The following STIM1 variants were observed in gnomAD, a reference collection of about 807,000 sequenced individuals.
STIM1 encodes stromal interaction molecule 1.
Under a neutral mutation model 74.7 loss-of-function variants are expected in STIM1, and 25 were observed. That is an observed-to-expected ratio of 0.33 (90% CI 0.24 to 0.47). STIM1 has a LOEUF of 0.47. Among genes scored for constraint, STIM1 ranks in the 20% least tolerant of loss-of-function variants. The probability of loss-of-function intolerance (pLI) is 1.00; values close to 1 mark genes in which losing one functional copy is unlikely to be tolerated. For synonymous variants in STIM1, 328 were observed against 348.8 expected (o/e 0.94, Z 0.66); for missense variants, 728 against 920.8 (o/e 0.79, Z 2.71).
intron 1 of STIM1, among the ~76,000 whole-genome samples, chr11:3,956,619 G>A (rs1006299935): frequency 6.6e-6 from 1 of 151,812 alleles, no homozygotes; most frequent in Non-Finnish European, 1.5e-5. Flanking sequence ...AAAGAGTGTA[G>A]TAAGAAGACA....
rs1282462285 is a variant in STIM1 at position 3,974,072 on chromosome 11, C to A, written c.270+6390C>A. The A allele has an allele frequency of 5.7e-6, 4 of 704,492 alleles. No individual in the cohort carries two copies. The East Asian group carries it at 1.1e-4, about 19-fold the overall frequency. 43.6% of individuals were successfully genotyped at this position (704,492 alleles called of 1,614,324 possible). A position where few individuals can be genotyped will look rare whatever the true frequency, so the allele number is the denominator to read the frequency against. ...AGTGGCATATGTGACAAACCCAAAGCCCCTGGAGCACTTGGTATTTGGATC... is the reference window on the plus strand; with the variant it reads ...AGTGGCATATGTGACAAACCCAAAGACCCTGGAGCACTTGGTATTTGGATC... On this transcript the variant is annotated intron_variant, in intron 2 of 12. Coordinates refer to ENST00000526596, the MANE Select transcript of STIM1 (RefSeq NM_001382567.1).
At chr11:3,868,605 T>C (rs2090959940) in intron 1 of STIM1, among the ~76,000 whole-genome samples, 1 of 152,222 alleles carries the variant, frequency 6.6e-6, no homozygotes, top group Non-Finnish European at 1.5e-5. Context: ...GTGGTGTTAG[T>C]TTATTCTATC....
rs535281658 is a variant in STIM1, at chr11:3,978,354, G to A, written c.270+10672G>A. 1.4e-3 allele frequency among the ~76,000 whole-genome samples: 207 copies of A among 150,930 alleles called. 2 individuals carry two copies. The highest frequency in any genetic ancestry group is 2.3e-3 in the Non-Finnish European group (154 of 67,594). On this transcript the variant is annotated intron_variant, in intron 2 of 12. Transcript: ENST00000526596. ...GTAGAGACGGGGTTTCTCCATGTTG[G>A]TCAGGCTGGTTTCAAACTTCTGACC...
intron 7 of STIM1, among the ~76,000 whole-genome samples, chr11:4,080,059 G>GAAATAAATAAAT (rs142489170): frequency 6.6e-6 from 1 of 151,402 alleles, no homozygotes; most frequent in African/African-American, 2.4e-5. Flanking sequence ...TCTCTACCAA[G>GAAATAAATAAAT]AAATAAATAA....
At chr11:4,034,139 G>C (rs1041260099) in intron 3 of STIM1, among the ~76,000 whole-genome samples, 1 of 151,922 alleles carries the variant, frequency 6.6e-6, no homozygotes, top group Non-Finnish European at 1.5e-5. Flanking sequence ...TGAGGCAGGA[G>C]AATCGCTTGA....
At chr11:4,041,799 C>A (rs1190549146) in intron 3 of STIM1, among the ~76,000 whole-genome samples, 2 of 152,098 alleles carry the variant, frequency 1.3e-5, no homozygotes, top group Non-Finnish European at 2.9e-5. Flanking sequence ...GTTGCCCAGG[C>A]TGGTCTTGAA....
chr11:4,052,830 A>C (rs2094254513), intron 3 of STIM1, among the ~76,000 whole-genome samples: 1 of 152,236 alleles, frequency 6.6e-6, no homozygotes, highest in East Asian at 1.9e-4. Context: ...AAGTTTTGCA[A>C]TATACTCATC....
intron 3 of STIM1, among the ~76,000 whole-genome samples, chr11:4,030,110 C>T (rs1281221452): frequency 6.6e-6 from 1 of 152,068 alleles, no homozygotes; most frequent in African/African-American, 2.4e-5. Context: ...GGGTGGATCA[C>T]TTAAGGTCAG....
intron 3 of STIM1, among the ~76,000 whole-genome samples, chr11:4,038,088 G>A (rs1590665624): frequency 6.6e-6 from 1 of 150,644 alleles, no homozygotes; most frequent in Non-Finnish European, 1.5e-5. Flanking sequence ...AGGCTGGAGT[G>A]CAGTGGTGTG....
chr11:4,006,016 T>C (rs1222153192), intron 2 of STIM1, among the ~76,000 whole-genome samples: 3 of 152,184 alleles, frequency 2.0e-5, no homozygotes, highest in African/African-American at 4.8e-5. Flanking sequence ...ATGTGACTTA[T>C]GGGTTTGATA....
At chr11:3,957,591 T>C (rs1231861907) in intron 1 of STIM1, among the ~76,000 whole-genome samples, 7 of 152,070 alleles carry the variant, frequency 4.6e-5, no homozygotes, top group African/African-American at 1.7e-4. Flanking sequence ...AGGTTCTTGC[T>C]TTGTCATCAA....
chr11:4,038,178 G>C (rs1159855079), intron 3 of STIM1, among the ~76,000 whole-genome samples: 1 of 151,840 alleles, frequency 6.6e-6, no homozygotes, highest in East Asian at 1.9e-4. Context: ...GGAATAACAG[G>C]TGCATGCCAC....
At chr11:4,005,420 C>G (rs375661061) in intron 2 of STIM1, among the ~76,000 whole-genome samples, 11 of 151,972 alleles carry the variant, frequency 7.2e-5, no homozygotes, top group East Asian at 3.9e-4. Flanking sequence ...ATGAGTTCAT[C>G]TCCTTTGTAG....
intron 1 of STIM1, among the ~76,000 whole-genome samples, chr11:3,865,329 A>G (rs1010339301): frequency 1.3e-5 from 2 of 152,160 alleles, no homozygotes; most frequent in South Asian, 2.1e-4. Flanking sequence ...ATTCTCATTC[A>G]TATGTTGTTC....
At chr11:4,054,221 A>T (rs2094269235) in intron 3 of STIM1, among the ~76,000 whole-genome samples, 1 of 152,180 alleles carries the variant, frequency 6.6e-6, no homozygotes, top group African/African-American at 2.4e-5. Flanking sequence ...GGAGAGGTCT[A>T]TAGATTCTGT....
At chr11:3,896,751 C>T (rs1325889554) in intron 1 of STIM1, among the ~76,000 whole-genome samples, 1 of 152,106 alleles carries the variant, frequency 6.6e-6, no homozygotes, top group Non-Finnish European at 1.5e-5. Context: ...GCTTCTCTAG[C>T]GATAAAGAGC....
At chr11:3,944,866 C>T (rs929211892) in intron 1 of STIM1, among the ~76,000 whole-genome samples, 1 of 152,206 alleles carries the variant, frequency 6.6e-6, no homozygotes, top group African/African-American at 2.4e-5. Context: ...CTAGAGGAAT[C>T]AGCTACTAAA....
intron 1 of STIM1, among the ~76,000 whole-genome samples, chr11:3,950,652 G>C (rs949957357): frequency 6.6e-6 from 1 of 151,992 alleles, no homozygotes; most frequent in Admixed American, 6.6e-5. Context: ...TTGAGAGAAG[G>C]TCTCGCTCTG....
chr11:3,972,069 T>A (rs2093401418), intron 2 of STIM1, among the ~76,000 whole-genome samples: 1 of 152,108 alleles, frequency 6.6e-6, no homozygotes, highest in Non-Finnish European at 1.5e-5. Flanking sequence ...GTTCTCCTGC[T>A]TCAGCTTCAT....
Sources: gnomAD v4.1 joint callset for allele counts (sites outside exome capture counted in the v4.1 genomes callset) on GRCh38, gnomAD v4.1.1 for gene constraint, MANE v1.5 for transcripts, NCBI Gene and HGNC (gene_info 2026-07-23, HGNC 2026-07-21) for gene names.